FBXL14: variants seen among roughly 807,000 people sequenced by gnomAD.
FBXL14 encodes F-box and leucine rich repeat protein 14, also known as F-box/LRR-repeat protein 14.
In FBXL14, 11 loss-of-function variants were observed where a neutral mutation model predicts 24.5. The observed-to-expected ratio is 0.45, with a 90% confidence interval of 0.28 to 0.74. FBXL14 has a LOEUF of 0.74. Among genes scored for constraint, FBXL14 ranks in the 30% least tolerant of loss-of-function variants. The pLI is 0.12. For synonymous variants in FBXL14, 294 were observed against 240.4 expected (o/e 1.22, Z -2.06); for missense variants, 384 against 545.6 (o/e 0.70, Z 2.95).
At chr12:1,574,388 A>G (rs1457253201) in intron 1 of FBXL14, among the ~76,000 whole-genome samples, 3 of 148,566 alleles carry the variant, frequency 2.0e-5, no homozygotes, top group Non-Finnish European at 4.4e-5. Flanking sequence ...GTGTGGATGG[A>G]GGCTGGGGTG....
chr12:1,571,494 C>T (rs988428671), intron 1 of FBXL14, among the ~76,000 whole-genome samples: 1 of 152,202 alleles, frequency 6.6e-6, no homozygotes, highest in Non-Finnish European at 1.5e-5. Context: ...AGGAGTGAGC[C>T]ACCGCGCCCA....
At chr12:1,570,220 G>A (rs933430440) in intron 1 of FBXL14, among the ~76,000 whole-genome samples, 6 of 150,312 alleles carry the variant, frequency 4.0e-5, no homozygotes, top group African/African-American at 1.5e-4. Flanking sequence ...CAGAGAGTGG[G>A]AAAGTGAGAC....
At chr12:1,576,898 T>C (rs1415119358) in intron 1 of FBXL14, among the ~76,000 whole-genome samples, 2 of 152,242 alleles carry the variant, frequency 1.3e-5, no homozygotes, top group African/African-American at 4.8e-5. Flanking sequence ...GCATTTTAAC[T>C]ATTAGTTAGT....
At chr12:1,582,202 AAGAAAG>A (rs763205054) in intron 1 of FBXL14, among the ~76,000 whole-genome samples, 9 of 151,834 alleles carry the variant, frequency 5.9e-5, no homozygotes, top group Non-Finnish European at 8.8e-5. Flanking sequence ...AAAAGGAAGA[AAGAAAG>A]AGAAAGAAGA....
At chr12:1,587,224 T>G (rs1321625766) in intron 1 of FBXL14, 1 of 118,180 alleles carries the variant, frequency 8.5e-6, no homozygotes, top group Non-Finnish European at 1.6e-5. Context: ...ACAACAAGAG[T>G]GAAACTCCGT....
rs986008821 is a variant in FBXL14 at position 1,566,540 on chromosome 12, A to G, written c.*208T>C. On this transcript the variant is annotated 3_prime_UTR_variant, in exon 2 of 2. Coordinates refer to ENST00000339235, the MANE Select transcript of FBXL14 (RefSeq NM_152441.3). Reference sequence around the variant, plus strand: ...GGATCCATAAAGGAAGCGAGGTCTCAGAGCAAACCACTGTCCCCAGAACTG... The same window carrying G: ...GGATCCATAAAGGAAGCGAGGTCTCGGAGCAAACCACTGTCCCCAGAACTG... 69 of 472,006 alleles carry G rather than the reference A, an allele frequency of 1.5e-4. No homozygotes were observed. Among genetic ancestry groups the G allele is most frequent in the South Asian group, 1.6e-4 (4 of 24,844 alleles). The allele number at this position is 472,006 out of a possible 1,614,324, so 29.2% of individuals were successfully genotyped here.
chr12:1,573,847 A>G (rs1199347018), intron 1 of FBXL14, among the ~76,000 whole-genome samples: 2 of 152,150 alleles, frequency 1.3e-5, no homozygotes, highest in African/African-American at 4.8e-5. Flanking sequence ...TCTACTACAA[A>G]TAACACAATT....
chr12:1,592,818 TGGG>T, intron 1 of FBXL14, 52 bp downstream of exon 1: 1 of 1,434,610 alleles, frequency 7.0e-7, no homozygotes, highest in Admixed American at 2.1e-5. Flanking sequence ...GCGGTGGTAA[TGGG>T]AGGATGAACA....
chr12:1,583,286 A>C (rs1382168046), intron 1 of FBXL14, among the ~76,000 whole-genome samples: 1 of 152,082 alleles, frequency 6.6e-6, no homozygotes, highest in Non-Finnish European at 1.5e-5. Context: ...GTATGACTAA[A>C]ATTTTTCCCA....
intron 1 of FBXL14, among the ~76,000 whole-genome samples, chr12:1,592,144 C>T (rs2094491582): frequency 6.8e-6 from 1 of 147,962 alleles, no homozygotes; most frequent in African/African-American, 2.5e-5. Flanking sequence ...AATTCCAGGG[C>T]TTCAGAAAAA....
At position 1,569,434 on chromosome 12, in the gene FBXL14, T is replaced by A. The variant is rs1426181526; in HGVS notation, c.1195-2624A>T. 6.7e-6 allele frequency among the ~76,000 whole-genome samples: 1 copy of A among 149,174 alleles called. No individual in the cohort carries two copies. The highest frequency in any genetic ancestry group is 1.5e-5 in the Non-Finnish European group (1 of 67,670). ...TTTTTTGTCTGAGACGGAGTCTCGC[T>A]CTGTCACCCAGGCTAGAGTGCAGTG... On this transcript the variant is annotated intron_variant, in intron 1 of 1. Coordinates refer to ENST00000339235, the MANE Select transcript of FBXL14 (RefSeq NM_152441.3). This position sits in a 1 kb window ranked among gnomAD's most constrained non-coding sequence, Gnocchi z 4.2.
chr12:1,594,050 G>A lies in FBXL14; in HGVS notation c.17C>T (p.Ser6Leu), dbSNP rs1311124614. The A allele has an allele frequency of 2.6e-6, 4 of 1,521,156 alleles. No homozygotes were observed. The highest frequency in any genetic ancestry group is 1.3e-5 in the South Asian group (1 of 78,966). 94.2% of individuals were successfully genotyped at this position (1,521,156 alleles called of 1,614,324 possible). A position where few individuals can be genotyped will look rare whatever the true frequency, so the allele number is the denominator to read the frequency against. ...GGCCAGCAGCTCCGGGAACAGGCAT[G>A]AGATGTGGGTCTCCATCTTCCTCCT... METHISCLFPELLAMI... is the reference protein window; with the variant it reads METHILCLFPELLAMI... The change falls in exon 1 of 2, where the codon TCA becomes TTA. Residue 6 changes from serine to leucine, a missense_variant. By Grantham distance (145) the Ser-to-Leu change is moderately radical. Transcript: ENST00000339235.
chr12:1,588,294 T>C (rs1052128142), intron 1 of FBXL14, among the ~76,000 whole-genome samples: 3 of 152,236 alleles, frequency 2.0e-5, no homozygotes, highest in African/African-American at 7.2e-5. Flanking sequence ...GACCAGCACC[T>C]ATCTAGTAAC....
chr12:1,572,574 T>G (rs905613668), intron 1 of FBXL14, among the ~76,000 whole-genome samples: 1 of 152,128 alleles, frequency 6.6e-6, no homozygotes, highest in Non-Finnish European at 1.5e-5. Flanking sequence ...TGGTCTATCA[T>G]TGGAGAAATC....
chr12:1,577,294 G>GGAAC (rs2094457786), intron 1 of FBXL14, among the ~76,000 whole-genome samples: 1 of 152,172 alleles, frequency 6.6e-6, no homozygotes, highest in Non-Finnish European at 1.5e-5. Flanking sequence ...CACTGCTGTT[G>GGAAC]GAACTCTGGA....
At chr12:1,571,195 GTTTT>G (rs201436877) in intron 1 of FBXL14, among the ~76,000 whole-genome samples, 1 of 136,032 alleles carries the variant, frequency 7.4e-6, no homozygotes, top group Non-Finnish European at 1.7e-5. Flanking sequence ...TTCTGGTGGG[GTTTT>G]TTTTGTTTGT....
In FBXL14 at chr12:1,567,903, G is replaced by GCA. The variant is rs1388149945; in HGVS notation, c.1195-1095_1195-1094dup. ...CACGCACACGCGCGCACACACGTGC[G>GCA]CACACACACAGAACAGAATATCCAA... On this transcript the variant is annotated intron_variant, in intron 1 of 1. Coordinates refer to ENST00000339235, the MANE Select transcript of FBXL14 (RefSeq NM_152441.3). This position sits in a 1 kb window ranked among gnomAD's most constrained non-coding sequence, Gnocchi z 4.8. 2.0e-5 allele frequency among the ~76,000 whole-genome samples: 3 copies of GCA among 152,206 alleles called. No individual in the cohort carries two copies. Among genetic ancestry groups the GCA allele is most frequent in the African/African-American group, 7.2e-5 (3 of 41,448 alleles).
intron 1 of FBXL14, among the ~76,000 whole-genome samples, chr12:1,570,049 GA>G (rs1417764837): frequency 1.3e-5 from 2 of 152,084 alleles, no homozygotes; most frequent in African/African-American, 4.8e-5. Flanking sequence ...TTGCATGGAA[GA>G]GGGGTTTTTC....
intron 1 of FBXL14, among the ~76,000 whole-genome samples, chr12:1,572,140 AAGT>A (rs905212110): frequency 6.6e-6 from 1 of 152,238 alleles, no homozygotes. Context: ...GTGAAAAAAA[AAGT>A]AGGATTTACA....
Sources: allele counts gnomAD v4.1 joint callset (sites outside exome capture counted in the v4.1 genomes callset), GRCh38; gene constraint gnomAD v4.1.1; non-coding constraint Gnocchi (gnomAD v3.1); transcripts MANE v1.5; gene names NCBI Gene and HGNC (gene_info 2026-07-23, HGNC 2026-07-21).